The following FRMD5 variants were observed in gnomAD, a reference collection of about 807,000 sequenced individuals.
FRMD5 encodes the protein FERM domain containing 5, also known as FERM domain-containing protein 5.
In FRMD5, 20 loss-of-function variants were observed where a neutral mutation model predicts 69.0. That is an observed-to-expected ratio of 0.29 (90% CI 0.20 to 0.42). The LOEUF (loss-of-function observed/expected upper bound fraction) is 0.42, where lower values mean the gene tolerates loss of function less well. FRMD5 is among the 10% of genes least tolerant of loss of function. The probability of loss-of-function intolerance (pLI) is 1.00; values close to 1 mark genes in which losing one functional copy is unlikely to be tolerated. For missense variants in FRMD5, 595 were observed against 708.6 expected (o/e 0.84, Z 1.82); for synonymous variants, 271 against 260.1 (o/e 1.04, Z -0.40).
upstream of FRMD5, among the ~76,000 whole-genome samples, chr15:44,196,450 A>C (rs2078298737): frequency 6.6e-6 from 1 of 151,864 alleles, no homozygotes; most frequent in South Asian, 2.1e-4. Context: ...GGGGGACAAG[A>C]GCAAGCCACC....
chr15:43,920,009 A>T (rs762081177), intron 2 of FRMD5, among the ~76,000 whole-genome samples, 200 bp from the exon 3 acceptor site: 2 of 152,222 alleles, frequency 1.3e-5, no homozygotes, highest in Non-Finnish European at 2.9e-5. Flanking sequence ...TGAAGGGGGG[A>T]ATAGTTCCAG....
intron 1 of FRMD5, among the ~76,000 whole-genome samples, chr15:44,077,927 G>A (rs1893836140): frequency 6.6e-6 from 1 of 152,014 alleles, no homozygotes; most frequent in Non-Finnish European, 1.5e-5. Context: ...AGCCCCTGAA[G>A]ATTTGGATTT....
intron 1 of FRMD5, among the ~76,000 whole-genome samples, chr15:44,007,341 G>A (rs184283017): frequency 2.6e-5 from 4 of 152,094 alleles, no homozygotes; most frequent in African/African-American, 7.2e-5. Context: ...CCACTTTATT[G>A]CGGTGGTCTG....
intron 1 of FRMD5, among the ~76,000 whole-genome samples, chr15:44,130,878 A>T (rs1255481317): frequency 2.0e-5 from 3 of 152,210 alleles, no homozygotes; most frequent in Non-Finnish European, 2.9e-5. Flanking sequence ...TATTATTTAT[A>T]TACTAGTAAT....
At chr15:43,985,280 CAA>C (rs34455065) in intron 1 of FRMD5, among the ~76,000 whole-genome samples, 3,203 of 77,040 alleles carry the variant, frequency 0.042, 54 homozygotes, top group African/African-American at 0.15. Context: ...GACTCCGTCT[CAA>C]AAAAAAAAAA....
intron 1 of FRMD5, among the ~76,000 whole-genome samples, chr15:44,039,356 G>A (rs1457835122): frequency 6.6e-6 from 1 of 152,192 alleles, no homozygotes; most frequent in Non-Finnish European, 1.5e-5. Context: ...GTGGGTCCCT[G>A]ACCCCTGTGT....
At chr15:44,043,238 A>G (rs1892279298) in intron 1 of FRMD5, among the ~76,000 whole-genome samples, 1 of 152,220 alleles carries the variant, frequency 6.6e-6, no homozygotes. Flanking sequence ...GACCTCTTCA[A>G]GGAGAACTAC....
At chr15:44,155,276 A>T (rs992749227) in intron 1 of FRMD5, among the ~76,000 whole-genome samples, 1 of 152,008 alleles carries the variant, frequency 6.6e-6, no homozygotes, top group Non-Finnish European at 1.5e-5. Flanking sequence ...TACTAAAAAT[A>T]CAAAAATTAG....
intron 1 of FRMD5, among the ~76,000 whole-genome samples, chr15:44,019,467 G>GCCT (rs1891112183): frequency 6.6e-6 from 1 of 151,018 alleles, no homozygotes; most frequent in African/African-American, 2.4e-5. Context: ...CAGGCACGGT[G>GCCT]CCTCACACCT....
intron 1 of FRMD5, among the ~76,000 whole-genome samples, chr15:44,047,575 A>C (rs533504924): frequency 5.9e-5 from 9 of 152,332 alleles, no homozygotes; most frequent in African/African-American, 2.2e-4. Flanking sequence ...GGATTTATTG[A>C]GATATACTTT....
At chr15:44,179,203 G>A (rs1160203703) in intron 1 of FRMD5, among the ~76,000 whole-genome samples, 1 of 152,116 alleles carries the variant, frequency 6.6e-6, no homozygotes, top group East Asian at 1.9e-4. Flanking sequence ...ACTTAAAGGA[G>A]AAAGAAAACT....
In FRMD5 at chr15:44,149,562, C is replaced by T. The variant is rs182780177; in HGVS notation, c.102+45391G>A. 4.1e-3 allele frequency among the ~76,000 whole-genome samples: 619 copies of T among 151,934 alleles called. 2 individuals are homozygous for T. Among genetic ancestry groups the T allele is most frequent in the Non-Finnish European group, 7.1e-3 (480 of 67,930 alleles). On this transcript the variant is annotated intron_variant, in intron 1 of 13. Coordinates refer to ENST00000417257, the MANE Select transcript of FRMD5 (RefSeq NM_032892.5). Reference sequence around the variant, plus strand: ...TCCAAAGACACAAGTAGGTTGAAAGCGAAAGGATGTAAAAATATATAGTCA... The same window carrying T: ...TCCAAAGACACAAGTAGGTTGAAAGTGAAAGGATGTAAAAATATATAGTCA...
intron 7 of FRMD5, among the ~76,000 whole-genome samples, chr15:43,897,487 CAAAAAAAA>C (rs34243475): frequency 6.2e-5 from 1 of 16,138 alleles, no homozygotes; most frequent in Non-Finnish European, 1.3e-4. Flanking sequence ...CACTCCATCT[CAAAAAAAA>C]AAAAAAAAAA....
At chr15:44,187,493 A>G (rs1307539191) in intron 1 of FRMD5, among the ~76,000 whole-genome samples, 1 of 152,102 alleles carries the variant, frequency 6.6e-6, no homozygotes, top group Non-Finnish European at 1.5e-5. Flanking sequence ...TAACTTTTCC[A>G]CTTAGAAGTA....
chr15:43,948,076 A>G (rs2089974411), intron 1 of FRMD5, among the ~76,000 whole-genome samples: 1 of 152,222 alleles, frequency 6.6e-6, no homozygotes, highest in South Asian at 2.1e-4. Flanking sequence ...CTTATGAGGT[A>G]GGTACCACAA....
intron 1 of FRMD5, among the ~76,000 whole-genome samples, chr15:44,105,273 T>C (rs1447194932): frequency 6.6e-6 from 1 of 152,008 alleles, no homozygotes; most frequent in Non-Finnish European, 1.5e-5. Context: ...AACAGGGTTT[T>C]GCCATGTTGC....
At chr15:44,139,606 T>C (rs944443478) in intron 1 of FRMD5, among the ~76,000 whole-genome samples, 1 of 150,446 alleles carries the variant, frequency 6.6e-6, no homozygotes, top group South Asian at 2.1e-4. Context: ...AAAAAGACAT[T>C]ACAGGCCAGG....
chr15:43,951,961 A>ATGTG lies in FRMD5; in HGVS notation c.103-27656_103-27653dup, dbSNP rs141804253. 1.1e-4 allele frequency among the ~76,000 whole-genome samples: 12 copies of ATGTG among 111,748 alleles called. No homozygotes were observed. The East Asian group carries it at 1.4e-3, about 13-fold the overall frequency. The allele number at this position is 111,748 out of a possible 152,430, so 73.3% of individuals were successfully genotyped here. A position where few individuals can be genotyped will look rare whatever the true frequency, so the allele number is the denominator to read the frequency against. The stretch of plus-strand genomic sequence containing the variant: ...TTTTTGGGCCCGAGTCTGTATGTGC[A>ATGTG]TGTGTGTGTGTGTGTGTGTTGTGTG... On this transcript the variant is annotated intron_variant, in intron 1 of 13. Coordinates refer to ENST00000417257, the MANE Select transcript of FRMD5 (RefSeq NM_032892.5).
chr15:43,898,133 G>A (rs1239533751), intron 7 of FRMD5, among the ~76,000 whole-genome samples: 1 of 152,182 alleles, frequency 6.6e-6, no homozygotes, highest in Non-Finnish European at 1.5e-5. Flanking sequence ...TCCTTTCTGT[G>A]TCAGAATTGG....
Sources: allele counts gnomAD v4.1 joint callset (sites outside exome capture counted in the v4.1 genomes callset), GRCh38; gene constraint gnomAD v4.1.1; transcripts MANE v1.5; gene names NCBI Gene and HGNC (gene_info 2026-07-23, HGNC 2026-07-21).